BMPR1A: variants seen among roughly 807,000 people sequenced by gnomAD.
The protein encoded by BMPR1A is bone morphogenetic protein receptor type-1A.
Under a neutral mutation model 66.0 loss-of-function variants are expected in BMPR1A, and 7 were observed. That is an observed-to-expected ratio of 0.11 (90% confidence interval 0.06 to 0.20). BMPR1A has a LOEUF of 0.20. BMPR1A is among the 10% of genes least tolerant of loss of function. BMPR1A has a pLI of 1.00. For synonymous variants in BMPR1A, 200 were observed against 229.7 expected (o/e 0.87, Z 1.17); for missense variants, 408 against 669.1 (o/e 0.61, Z 4.31).
At position 86,927,090 on chromosome 10, in the gene BMPR1A, A is replaced by T. The variant is rs527780951; in HGVS notation, c.*3371A>T. 41 of 186,230 alleles carry T rather than the reference A, an allele frequency of 2.2e-4. 1 individual carries two copies. Among genetic ancestry groups the T allele is most frequent in the Admixed American group, 1.7e-3 (28 of 16,100 alleles). 11.5% of individuals were successfully genotyped at this position (186,230 alleles called of 1,614,324 possible). A position where few individuals can be genotyped will look rare whatever the true frequency, so the allele number is the denominator to read the frequency against. On this transcript the variant is annotated 3_prime_UTR_variant, in exon 13 of 13. Transcript: ENST00000372037. The stretch of plus-strand genomic sequence containing the variant: ...CTTAGAAAGTGACCTATAGTTTTTT[A>T]AAATTATGTTTTCCTAGAACGTGCC...
At chr10:86,787,705 A>C (rs1841536143) in intron 1 of BMPR1A, among the ~76,000 whole-genome samples, 1 of 152,212 alleles carries the variant, frequency 6.6e-6, no homozygotes, top group South Asian at 2.1e-4. Flanking sequence ...ACAGTAATGC[A>C]GGCTATACAG....
At chr10:86,807,848 C>A (rs1357539739) in intron 1 of BMPR1A, among the ~76,000 whole-genome samples, 1 of 152,152 alleles carries the variant, frequency 6.6e-6, no homozygotes, top group Non-Finnish European at 1.5e-5. Context: ...CTCACTGCAA[C>A]CTCTGCCTCC....
At chr10:86,921,809 A>G (rs1843669593) in intron 11 of BMPR1A, 114 bp downstream of exon 11, 12 of 1,295,128 alleles carry the variant, frequency 9.3e-6, no homozygotes, top group East Asian at 2.5e-5. Flanking sequence ...GTAGGTGTAT[A>G]TATTATTGGA....
intron 1 of BMPR1A, among the ~76,000 whole-genome samples, chr10:86,827,006 T>C (rs1358115555): frequency 3.3e-5 from 5 of 152,180 alleles, no homozygotes; most frequent in South Asian, 2.1e-4. Context: ...TTCTATCTAT[T>C]TATAATGTAT....
At chr10:86,919,080 A>G (rs1313828238) in intron 9 of BMPR1A, 92 bp from the exon 10 acceptor site, 1 of 1,418,758 alleles carries the variant, frequency 7.0e-7, no homozygotes, top group African/African-American at 1.4e-5. Context: ...TGCACATGAT[A>G]CCTAAGTTTT....
At chr10:86,784,531 T>G (rs1378001324) in intron 1 of BMPR1A, among the ~76,000 whole-genome samples, 1 of 152,244 alleles carries the variant, frequency 6.6e-6, no homozygotes, top group Non-Finnish European at 1.5e-5. Context: ...CATCAAAGTT[T>G]AGAAGTGTTT....
intron 1 of BMPR1A, among the ~76,000 whole-genome samples, chr10:86,835,937 TATGA>T (rs1343471379): frequency 1.3e-5 from 2 of 152,244 alleles, no homozygotes; most frequent in Non-Finnish European, 2.9e-5. Flanking sequence ...AGCTCTGAGT[TATGA>T]ATGTTAGAAT....
intron 1 of BMPR1A, among the ~76,000 whole-genome samples, chr10:86,793,985 C>G (rs1317774537): frequency 2.0e-5 from 3 of 152,180 alleles, no homozygotes; most frequent in Non-Finnish European, 2.9e-5. Context: ...CCTGTCATCT[C>G]TTTCCCACCG....
chr10:86,798,395 T>C (rs1237984161), intron 1 of BMPR1A, among the ~76,000 whole-genome samples: 4 of 151,528 alleles, frequency 2.6e-5, no homozygotes, highest in Non-Finnish European at 5.9e-5. Flanking sequence ...GTTTTGTCTG[T>C]TATTTTTATA....
chr10:86,778,084 A>G (rs1841381391), intron 1 of BMPR1A, among the ~76,000 whole-genome samples: 1 of 152,050 alleles, frequency 6.6e-6, no homozygotes, highest in African/African-American at 2.4e-5. Flanking sequence ...GTACATATTT[A>G]TGGGGTATGT....
Position 86,875,913 on chromosome 10 carries a change from C to T in BMPR1A, c.-106C>T, listed in dbSNP as rs531097871. The T allele has an allele frequency of 4.0e-5, 39 of 965,338 alleles. No individual in the cohort carries two copies. In the African/African-American group the frequency reaches 5.3e-4, roughly 13 times the overall value. The allele number at this position is 965,338 out of a possible 1,614,324, so 59.8% of individuals were successfully genotyped here. ...AGTTGAAGTCATTGTCAAGTGCTTG[C>T]GATCTTTTACAAGAAAATCTCACTG... On this transcript the variant is annotated 5_prime_UTR_variant, in exon 3 of 13. Coordinates refer to ENST00000372037, the MANE Select transcript of BMPR1A (RefSeq NM_004329.3).
chr10:86,901,056 C>G (rs1843301371), intron 7 of BMPR1A, among the ~76,000 whole-genome samples: 1 of 152,226 alleles, frequency 6.6e-6, no homozygotes. Context: ...TCTGGGATCA[C>G]TCACTCTGGG....
intron 9 of BMPR1A, 70 bp downstream of exon 9, chr10:86,917,396 A>G: frequency 6.4e-7 from 1 of 1,557,342 alleles, no homozygotes; most frequent in Non-Finnish European, 8.8e-7. Flanking sequence ...AAGCCTCCAT[A>G]TGTGCTTTGA....
chr10:86,841,059 A>T (rs567180229), intron 2 of BMPR1A, among the ~76,000 whole-genome samples: 1 of 152,216 alleles, frequency 6.6e-6, no homozygotes, highest in Admixed American at 6.5e-5. Context: ...CCTGTCTGCC[A>T]GAGTAAGGAC....
At position 86,842,398 on chromosome 10, in the gene BMPR1A, G is replaced by A. The variant is rs773529673; in HGVS notation, c.-153+3419G>A. ...ATTAATTTCATGCAGAGCCCAGAGC[G>A]GGGTGGAGGCAGAGCTTGAAAGTGT... On this transcript the variant is annotated intron_variant, in intron 2 of 12. Coordinates refer to ENST00000372037, the MANE Select transcript of BMPR1A (RefSeq NM_004329.3). Among the ~76,000 whole-genome samples the A allele has an allele frequency of 1.2e-4, 18 of 152,150 alleles. 1 individual carries two copies. The highest frequency in any genetic ancestry group is 2.6e-4 in the Admixed American group (4 of 15,266).
intron 1 of BMPR1A, among the ~76,000 whole-genome samples, chr10:86,813,603 A>G (rs1357670894): frequency 2.0e-5 from 3 of 152,234 alleles, no homozygotes; most frequent in East Asian, 1.9e-4. Flanking sequence ...TATATCCACC[A>G]TGGGTTGAAA....
chr10:86,808,815 A>G (rs774170764), intron 1 of BMPR1A, among the ~76,000 whole-genome samples: 13 of 152,304 alleles, frequency 8.5e-5, no homozygotes, highest in Non-Finnish European at 1.8e-4. Context: ...TCTGGTTTTC[A>G]GTTTCCAGAA....
At chr10:86,767,532 A>G (rs762171683) in intron 1 of BMPR1A, among the ~76,000 whole-genome samples, 14 of 152,182 alleles carry the variant, frequency 9.2e-5, no homozygotes, top group Non-Finnish European at 1.5e-4. Flanking sequence ...TTAAAAATCA[A>G]TGAGATGTGG....
At chr10:86,775,744 C>T (rs1841337360) in intron 1 of BMPR1A, among the ~76,000 whole-genome samples, 1 of 152,214 alleles carries the variant, frequency 6.6e-6, no homozygotes, top group Non-Finnish European at 1.5e-5. Context: ...TCTCTTTGCT[C>T]TCCCCTCTGT....
Sources: allele counts gnomAD v4.1 joint callset (sites outside exome capture counted in the v4.1 genomes callset), GRCh38; gene constraint gnomAD v4.1.1; transcripts MANE v1.5; gene names NCBI Gene and HGNC (gene_info 2026-07-23, HGNC 2026-07-21).